Variants in RGPD3 observed in about 807,000 individuals in gnomAD.
RGPD3 encodes ranBP2-like and GRIP domain-containing protein 3.
RGPD3 carries 62 observed loss-of-function variants against 154.5 expected under a neutral mutation model. The ratio of observed to expected loss-of-function variants is 0.40; its 90% CI spans 0.33 to 0.50. RGPD3 has a LOEUF of 0.50. Among genes scored for constraint, RGPD3 ranks in the 20% least tolerant of loss-of-function variants. RGPD3 has a pLI of 0.59. For synonymous variants in RGPD3, 308 were observed against 607.0 expected, an observed-to-expected ratio of 0.51 and a Z score of 7.24; for missense variants, 919 against 1,716.8, an observed-to-expected ratio of 0.54 and a Z score of 8.21.
At chr2:106,468,150 C>CGCCGG (rs1198228298) in intron 1 of RGPD3, 67 bp downstream of exon 1, 1 of 1,531,310 alleles carries the variant, frequency 6.5e-7, no homozygotes, top group African/African-American at 1.4e-5. Flanking sequence ...TCGAGGCCGC[C>CGCCGG]GCCGGGCCGG....
chr2:106,423,390 G>T lies in RGPD3; in HGVS notation c.4577C>A (p.Ser1526Tyr). 1 of 1,578,570 alleles carries T rather than the reference G, an allele frequency of 6.3e-7. No individual in the cohort carries two copies. Among genetic ancestry groups the T allele is most frequent in the East Asian group, 2.2e-5 (1 of 44,650 alleles). ...AACCACTGCTTTTGTTGTTGTTTCAGATGTGCTAGACACTTCAACTTCTGA... is the reference window on the plus strand; with the variant it reads ...AACCACTGCTTTTGTTGTTGTTTCATATGTGCTAGACACTTCAACTTCTGA... ...AASEVEVSSTSETTTKAVVSP... is the reference protein window; with the variant it reads ...AASEVEVSSTYETTTKAVVSP... Residue 1526 changes from serine (S) to tyrosine (Y), a missense_variant, in exon 20 of 23, where the codon TCT becomes TAT. Ser to Tyr is a moderately radical substitution (Grantham distance 144, BLOSUM62 -2). Coordinates refer to ENST00000409886, the MANE Select transcript of RGPD3 (RefSeq NM_001144013.2).
Position 106,457,231 on chromosome 2 carries a change from C to A in RGPD3, c.253-108G>T, listed in dbSNP as rs1284999526. 5 of 1,482,516 alleles carry A rather than the reference C, an allele frequency of 3.4e-6. No individual in the cohort carries two copies. The South Asian group carries it at 5.4e-5, about 16-fold the overall frequency. 91.8% of individuals were successfully genotyped at this position (1,482,516 alleles called of 1,614,324 possible). A position where few individuals can be genotyped will look rare whatever the true frequency, so the allele number is the denominator to read the frequency against. On this transcript the variant is annotated intron_variant, in intron 3 of 22. Transcript: ENST00000409886. ...TAAAGGTTAAAAATTATCACTCCAACCCTTAAAAAATTCTACTTCTGGAGA... is the reference window on the plus strand; with the variant it reads ...TAAAGGTTAAAAATTATCACTCCAAACCTTAAAAAATTCTACTTCTGGAGA...
Position 106,412,293 on chromosome 2 carries a change from G to GTTT in RGPD3, c.5266+788_5266+790dup, listed in dbSNP as rs772813472. On this transcript the variant is annotated intron_variant, in intron 22 of 22. Coordinates refer to ENST00000409886, the MANE Select transcript of RGPD3 (RefSeq NM_001144013.2). ...GGAAACCAACTCTAACTACATCATA[G>GTTT]TTTTTTTTTTTTTTTTTTTTTTTTT... Among the ~76,000 whole-genome samples the GTTT allele has an allele frequency of 2.0e-4, 9 of 45,026 alleles. 2 individuals carry two copies. The highest frequency in any genetic ancestry group is 4.0e-4 in the Admixed American group (1 of 2,484). The allele number at this position is 45,026 out of a possible 152,430, so 29.5% of individuals were successfully genotyped here.
chr2:106,444,642 T>C (rs1273591500), intron 7 of RGPD3, among the ~76,000 whole-genome samples: 1 of 137,356 alleles, frequency 7.3e-6, no homozygotes, highest in Non-Finnish European at 1.6e-5. Context: ...CTGGGAAACA[T>C]AGCAAGACCT....
intron 21 of RGPD3, 42 bp downstream of exon 21, chr2:106,415,808 C>G: frequency 1.9e-6 from 3 of 1,610,402 alleles, no homozygotes; most frequent in Non-Finnish European, 2.5e-6. Flanking sequence ...TCCAGAAAAC[C>G]AAACTGGCAG....
At chr2:106,417,440 TAAAG>T (rs2104449317) in intron 20 of RGPD3, among the ~76,000 whole-genome samples, 1 of 147,456 alleles carries the variant, frequency 6.8e-6, no homozygotes, top group African/African-American at 2.6e-5. Flanking sequence ...ACAGTGAAAT[TAAAG>T]AAGAAGAACA....
At chr2:106,410,222 G>C (rs2104442060) in intron 22 of RGPD3, among the ~76,000 whole-genome samples, 1 of 152,166 alleles carries the variant, frequency 6.6e-6, no homozygotes, top group South Asian at 2.1e-4. Context: ...TAAATCTGCT[G>C]CTAAACCATC....
chr2:106,467,667 C>A (rs1479393524), intron 1 of RGPD3, among the ~76,000 whole-genome samples: 1 of 140,978 alleles, frequency 7.1e-6, no homozygotes, highest in East Asian at 2.1e-4. Flanking sequence ...CAGCGCCCGT[C>A]GGGAGCCATG....
intron 22 of RGPD3, among the ~76,000 whole-genome samples, chr2:106,411,502 A>C (rs1573238804): frequency 6.7e-6 from 1 of 148,728 alleles, no homozygotes; most frequent in African/African-American, 2.5e-5. Flanking sequence ...CACATTAAAA[A>C]TATATTTATA....
At position 106,436,257 on chromosome 2, in the gene RGPD3, G is replaced by T. The variant is rs754062160; in HGVS notation, c.1635-11C>A. On this transcript the variant is annotated splice_polypyrimidine_tract_variant and intron_variant, in intron 11 of 22. Transcript: ENST00000409886. ...GCTGAGTTTCCAGGTCTAAAAAATA[G>T]TTCAATTTACTAAAATTGCTTTCTA... 3.1e-6 allele frequency: 5 copies of T among 1,611,706 alleles called. No homozygotes were observed. In the African/African-American group the frequency reaches 6.7e-5, roughly 22 times the overall value.
At chr2:106,414,622 A>T (rs1271675771) in intron 21 of RGPD3, among the ~76,000 whole-genome samples, 1 of 151,186 alleles carries the variant, frequency 6.6e-6, no homozygotes, top group Non-Finnish European at 1.5e-5. Context: ...ACTATCTCAA[A>T]AAAAAAAAAG....
chr2:106,465,359 T>C lies in RGPD3; in HGVS notation c.72+2858A>G, dbSNP rs377196446. On this transcript the variant is annotated intron_variant, in intron 1 of 22. Transcript: ENST00000409886. The stretch of plus-strand genomic sequence containing the variant: ...CCCCAGGTTCTAATGTAAATGACTT[T>C]CAATTTGGGGGAAAAAAAGACTCTA... 3.9e-5 allele frequency among the ~76,000 whole-genome samples: 6 copies of C among 152,266 alleles called. 1 individual carries two copies. The highest frequency in any genetic ancestry group is 3.9e-4 in the East Asian group (2 of 5,172).
Position 106,468,323 on chromosome 2 carries a change from C to G in RGPD3, c.-35G>C. 24 of 1,585,982 alleles carry G rather than the reference C, an allele frequency of 1.5e-5. No individual in the cohort carries two copies. Among genetic ancestry groups the G allele is most frequent in the Non-Finnish European group, 2.1e-5 (24 of 1,167,386 alleles). On this transcript the variant is annotated 5_prime_UTR_variant, in exon 1 of 23. Coordinates refer to ENST00000409886, the MANE Select transcript of RGPD3 (RefSeq NM_001144013.2). ...AACCTGGCTCCCGAGATGCGTGAGA[C>G]CAGCGCTCAGCCCCGCAGCAGTCGC...
chr2:106,422,960 T>C (rs1386416836), intron 20 of RGPD3, 83 bp downstream of exon 20: 1 of 1,597,574 alleles, frequency 6.3e-7, no homozygotes, highest in Non-Finnish European at 8.5e-7. Context: ...TATCCCAACA[T>C]TAGTATCCCA....
chr2:106,437,322 C>G (rs1199485531), intron 9 of RGPD3, among the ~76,000 whole-genome samples: 1 of 124,298 alleles, frequency 8.0e-6, no homozygotes, highest in Non-Finnish European at 1.6e-5. Flanking sequence ...ACCAGCCTGG[C>G]CAGCATGGTG....
intron 22 of RGPD3, among the ~76,000 whole-genome samples, chr2:106,408,767 G>A (rs1676583006): frequency 6.6e-6 from 1 of 151,970 alleles, no homozygotes; most frequent in African/African-American, 2.4e-5. Flanking sequence ...TTTGACTGCA[G>A]CCTCGAACCC....
At chr2:106,415,093 CTCAA>C (rs1676784658) in intron 21 of RGPD3, among the ~76,000 whole-genome samples, 1 of 151,322 alleles carries the variant, frequency 6.6e-6, no homozygotes, top group African/African-American at 2.4e-5. Flanking sequence ...TTGAGTAATC[CTCAA>C]CTGTTCTGCA....
In RGPD3 at chr2:106,424,278, C is replaced by A. The variant is rs1372460163; in HGVS notation, c.3689G>T (p.Gly1230Val). 1.9e-6 allele frequency: 3 copies of A among 1,611,872 alleles called. No homozygotes were observed. Among genetic ancestry groups the A allele is most frequent in the Admixed American group, 1.7e-5 (1 of 59,984 alleles). Residue 1230 changes from glycine to valine, a missense_variant, in exon 20 of 23, where the codon GGT becomes GTT. Transcript: ENST00000409886. ...GGGTTTTATTGTTGTGTCTGAGGCA[C>A]CGGCCGCACCTGTACCTGAACCCTT... ...ENKGSGTGAA[G>V]ASDTTIKPNA...
intron 21 of RGPD3, among the ~76,000 whole-genome samples, chr2:106,413,933 A>G (rs1676745700): frequency 6.6e-6 from 1 of 152,158 alleles, no homozygotes; most frequent in African/African-American, 2.4e-5. Context: ...GATAGAAACT[A>G]AGCCAGTATG....
Sources: gnomAD v4.1 joint callset for allele counts (sites outside exome capture counted in the v4.1 genomes callset) on GRCh38, gnomAD v4.1.1 for gene constraint, MANE v1.5 for transcripts, NCBI Gene and HGNC (gene_info 2026-07-23, HGNC 2026-07-21) for gene names.